Variants in U2SURP observed in about 807,000 individuals in gnomAD.
U2SURP encodes U2 snRNP associated SURP domain containing.
Under a neutral mutation model 144.9 loss-of-function variants are expected in U2SURP, and 9 were observed. The ratio of observed to expected loss-of-function variants is 0.06; its 90% CI spans 0.04 to 0.11. The LOEUF (loss-of-function observed/expected upper bound fraction) is 0.11, where lower values mean the gene tolerates loss of function less well. Among genes scored for constraint, U2SURP ranks in the 10% least tolerant of loss-of-function variants. The pLI is 1.00. For missense variants in U2SURP, 724 were observed against 1,226.7 expected (o/e 0.59, Z 6.12); for synonymous variants, 408 against 396.8 (o/e 1.03, Z -0.33).
chr3:143,046,551 G>T (rs1336890401), intron 24 of U2SURP, among the ~76,000 whole-genome samples: 11 of 108,488 alleles, frequency 1.0e-4, no homozygotes, highest in African/African-American at 4.1e-4. Context: ...TCAAGCATCT[G>T]TTTAACAAAG....
chr3:143,036,132 T>C, intron 20 of U2SURP, 28 bp downstream of exon 20: 2 of 1,566,826 alleles, frequency 1.3e-6, no homozygotes, highest in Non-Finnish European at 1.7e-6. Context: ...GTCTGGTTGT[T>C]TTTAAAATTC....
At chr3:143,010,157 C>T (rs1936048502) in intron 1 of U2SURP, among the ~76,000 whole-genome samples, 1 of 152,108 alleles carries the variant, frequency 6.6e-6, no homozygotes, top group Non-Finnish European at 1.5e-5. Context: ...TATTGCATAC[C>T]ATGTATAATC....
At chr3:143,006,483 C>T (rs1187894268) in intron 1 of U2SURP, among the ~76,000 whole-genome samples, 2 of 152,156 alleles carry the variant, frequency 1.3e-5, no homozygotes, top group Non-Finnish European at 2.9e-5. Context: ...CGGCCGGGCA[C>T]AGTGCCTCCC....
At chr3:143,014,783 G>A (rs938020223) in intron 4 of U2SURP, among the ~76,000 whole-genome samples, 2 of 151,944 alleles carry the variant, frequency 1.3e-5, no homozygotes, top group Non-Finnish European at 2.9e-5. Flanking sequence ...ATTACCTCAA[G>A]TATATAGAAA....
chr3:143,025,629 G>A (rs1933100595), intron 13 of U2SURP, among the ~76,000 whole-genome samples: 1 of 152,096 alleles, frequency 6.6e-6, no homozygotes, highest in Admixed American at 6.6e-5. Context: ...CTGCATATTT[G>A]CAGAGCAATT....
chr3:143,002,440 G>A (rs994932056), intron 1 of U2SURP: 5 of 152,198 alleles, frequency 3.3e-5, no homozygotes, highest in African/African-American at 1.2e-4. Flanking sequence ...AGTGAGCTGT[G>A]GTAGTAGTTA....
rs1418030614 is a variant in U2SURP at position 143,060,703 on chromosome 3, CAT to C, written c.*4256_*4257del. On this transcript the variant is annotated 3_prime_UTR_variant, in exon 28 of 28. Transcript: ENST00000473835. ...ACACTTTACATGTTTAAACTATAAT[CAT>C]ATGTTTTCATGCTAGATGGTTCTCT... Among the ~76,000 whole-genome samples, 3 of 152,050 alleles carry C rather than the reference CAT, an allele frequency of 2.0e-5. No individual in the cohort carries two copies. The highest frequency in any genetic ancestry group is 1.9e-4 in the East Asian group (1 of 5,186).
chr3:143,005,943 G>A (rs1256798419), intron 1 of U2SURP, among the ~76,000 whole-genome samples: 1 of 152,058 alleles, frequency 6.6e-6, no homozygotes, highest in African/African-American at 2.4e-5. Context: ...CCTCATTCTA[G>A]TATAGGTGGT....
At chr3:143,001,744 C>G (rs1935536984) in intron 1 of U2SURP, 71 bp downstream of exon 1, 2 of 1,587,520 alleles carry the variant, frequency 1.3e-6, no homozygotes, top group African/African-American at 2.7e-5. Context: ...ACGCTTCTGG[C>G]CTGTGAGAGG....
chr3:143,022,771 A>G, intron 11 of U2SURP, 82 bp from the exon 12 acceptor site: 1 of 1,464,248 alleles, frequency 6.8e-7, no homozygotes, highest in Non-Finnish European at 9.1e-7. Flanking sequence ...GGTTAAAATG[A>G]AAATTATTTC....
chr3:143,038,688 C>T lies in U2SURP; in HGVS notation c.2318-206C>T, dbSNP rs549675927. Reference sequence around the variant, plus strand: ...ACACAGAAATAAGGATGACATTATTCGTCACTTCATGAATTTGAATTATAT... The same window carrying T: ...ACACAGAAATAAGGATGACATTATTTGTCACTTCATGAATTTGAATTATAT... On this transcript the variant is annotated intron_variant, in intron 22 of 27. Transcript: ENST00000473835. Among the ~76,000 whole-genome samples the T allele has an allele frequency of 2.1e-3, 317 of 151,890 alleles. 3 individuals are homozygous for T. Among genetic ancestry groups the T allele is most frequent in the African/African-American group, 7.2e-3 (300 of 41,456 alleles).
intron 1 of U2SURP, 145 bp downstream of exon 1, chr3:143,001,818 G>T (rs1935540753): frequency 4.6e-6 from 5 of 1,091,612 alleles, no homozygotes; most frequent in Non-Finnish European, 6.8e-6. Flanking sequence ...GCACCGTTGT[G>T]CGCAGGTTGA....
chr3:143,043,472 G>T (rs1208996556), intron 24 of U2SURP, among the ~76,000 whole-genome samples, 196 bp downstream of exon 24: 4 of 151,928 alleles, frequency 2.6e-5, no homozygotes, highest in Non-Finnish European at 4.4e-5. Flanking sequence ...TACCCTTTTG[G>T]ACTTACTTGC....
intron 14 of U2SURP, 136 bp from the exon 15 acceptor site, chr3:143,028,204 G>T (rs1933269157): frequency 9.6e-7 from 1 of 1,043,132 alleles, no homozygotes; most frequent in Non-Finnish European, 1.4e-6. Flanking sequence ...TAGTGGGTGA[G>T]ATTCTCTTCA....
At chr3:143,032,071 CT>C (rs763621819) in intron 16 of U2SURP, among the ~76,000 whole-genome samples, 675 of 145,072 alleles carry the variant, frequency 4.7e-3, no homozygotes, top group African/African-American at 6.6e-3. Flanking sequence ...TATTTGTAAT[CT>C]TTTTTTTTTT....
rs758213139 is a variant in U2SURP, at chr3:143,055,081, C to T, written c.2913C>T (p.His971=). ...HKESSRSRSS[H]KDSPRDVSKK... ...AGAGCTCACGGTCCAGGTCATCTCA[C>T]AAAGATTCTCCTAGAGATGTTAGCA... Residue 971 remains histidine, a synonymous_variant, in exon 27 of 28, where the codon CAC becomes CAT. Transcript: ENST00000473835. The T allele has an allele frequency of 6.2e-7, 1 of 1,605,618 alleles. No homozygotes were observed. The highest frequency in any genetic ancestry group is 8.5e-7 in the Non-Finnish European group (1 of 1,176,752).
At chr3:143,051,110 A>T in intron 25 of U2SURP, 61 bp downstream of exon 25, 3 of 997,856 alleles carry the variant, frequency 3.0e-6, no homozygotes, top group Non-Finnish European at 4.5e-6. Flanking sequence ...GACTTCCTAG[A>T]ATACTGGTAT....
Position 143,023,114 on chromosome 3 carries a change from G to A in U2SURP, c.1230+50G>A, listed in dbSNP as rs1469407613. Reference sequence around the variant, plus strand: ...CCGCATCTAATTTGTAAATACTAAAGCTGTGGTAGTATTTCTTTTCAACAA... The same window carrying A: ...CCGCATCTAATTTGTAAATACTAAAACTGTGGTAGTATTTCTTTTCAACAA... On this transcript the variant is annotated intron_variant, in intron 12 of 27. Coordinates refer to ENST00000473835, the MANE Select transcript of U2SURP (RefSeq NM_001080415.2). 3 of 1,408,928 alleles carry A rather than the reference G, an allele frequency of 2.1e-6. No individual in the cohort carries two copies. The East Asian group carries it at 7.4e-5, about 35-fold the overall frequency. The allele number at this position is 1,408,928 out of a possible 1,614,324, so 87.3% of individuals were successfully genotyped here.
intron 20 of U2SURP, 29 bp from the exon 21 acceptor site, chr3:143,037,150 A>T (rs1161639510): frequency 1.3e-6 from 2 of 1,595,308 alleles, no homozygotes; most frequent in East Asian, 2.2e-5. Flanking sequence ...AAGCAAAGGA[A>T]AATGTTATAA....
Sources: allele counts gnomAD v4.1 joint callset (sites outside exome capture counted in the v4.1 genomes callset), GRCh38; gene constraint gnomAD v4.1.1; transcripts MANE v1.5; gene names NCBI Gene and HGNC (gene_info 2026-07-23, HGNC 2026-07-21).